The following GPR176 variants were observed in gnomAD, a reference collection of about 807,000 sequenced individuals.
GPR176 encodes the protein G-protein coupled receptor 176.
In GPR176, 26 loss-of-function variants were observed where a neutral mutation model predicts 35.4. The observed-to-expected ratio is 0.74, with a 90% confidence interval of 0.54 to 1.02. The LOEUF is 1.02. GPR176 is among the 50% of genes least tolerant of loss of function. The probability of loss-of-function intolerance (pLI) is 0.00; values close to 1 mark genes in which losing one functional copy is unlikely to be tolerated. For missense variants in GPR176, 597 were observed against 665.3 expected (o/e 0.90, Z 1.13); for synonymous variants, 278 against 271.3 (o/e 1.02, Z -0.24).
At chr15:39,861,919 A>T (rs2031609484) in intron 1 of GPR176, among the ~76,000 whole-genome samples, 1 of 152,216 alleles carries the variant, frequency 6.6e-6, no homozygotes, top group South Asian at 2.1e-4. Context: ...GCCTTTTAAC[A>T]AGATGACATA....
At chr15:39,850,382 G>A (rs2030772848) in intron 1 of GPR176, among the ~76,000 whole-genome samples, 1 of 152,164 alleles carries the variant, frequency 6.6e-6, no homozygotes, top group African/African-American at 2.4e-5. Context: ...GTGAAAGACT[G>A]AATGCTTTCT....
intron 1 of GPR176, among the ~76,000 whole-genome samples, chr15:39,842,863 C>T (rs1240760786): frequency 6.6e-6 from 1 of 152,098 alleles, no homozygotes; most frequent in Non-Finnish European, 1.5e-5. Context: ...TGAGGGAGAA[C>T]TTGCTCTGGA....
chr15:39,862,616 T>A (rs74008981), intron 1 of GPR176, among the ~76,000 whole-genome samples: 3,348 of 152,320 alleles, frequency 0.022, 123 homozygotes, highest in African/African-American at 0.072. Context: ...AAAATGTCTA[T>A]CACCTAGTGG....
At chr15:39,857,322 A>G (rs1382935909) in intron 1 of GPR176, among the ~76,000 whole-genome samples, 1 of 152,164 alleles carries the variant, frequency 6.6e-6, no homozygotes, top group Non-Finnish European at 1.5e-5. Flanking sequence ...CACAAATGAC[A>G]CAATAAAAAA....
chr15:39,883,798 A>C (rs1305724612), intron 1 of GPR176, among the ~76,000 whole-genome samples: 1 of 152,184 alleles, frequency 6.6e-6, no homozygotes, highest in African/African-American at 2.4e-5. Flanking sequence ...TGGGATCAGC[A>C]ATCTATTGTT....
intron 1 of GPR176, among the ~76,000 whole-genome samples, chr15:39,865,296 A>G (rs1566955959): frequency 6.6e-6 from 1 of 152,196 alleles, no homozygotes; most frequent in Non-Finnish European, 1.5e-5. Context: ...TATGGAATCA[A>G]CCTAAGTATC....
chr15:39,819,556 C>T (rs560335208), intron 1 of GPR176, among the ~76,000 whole-genome samples: 1 of 152,316 alleles, frequency 6.6e-6, no homozygotes, highest in South Asian at 2.1e-4. Context: ...CTGATGAGAA[C>T]TACCTTCAAC....
At chr15:39,870,586 G>A (rs912515038) in intron 1 of GPR176, among the ~76,000 whole-genome samples, 2 of 152,134 alleles carry the variant, frequency 1.3e-5, no homozygotes, top group African/African-American at 2.4e-5. Context: ...GAGAATTGGT[G>A]TGGGAGGCAT....
intron 1 of GPR176, among the ~76,000 whole-genome samples, chr15:39,909,536 G>T (rs1044478348): frequency 6.6e-6 from 1 of 152,142 alleles, no homozygotes; most frequent in Non-Finnish European, 1.5e-5. Context: ...TTATGCAAGT[G>T]GGTGCACATT....
At chr15:39,918,447 A>C (rs1389622540) in intron 1 of GPR176, among the ~76,000 whole-genome samples, 2 of 152,170 alleles carry the variant, frequency 1.3e-5, no homozygotes, top group African/African-American at 4.8e-5. Context: ...GTATGTATGA[A>C]TGTATGTATA....
Position 39,801,717 on chromosome 15 carries a change from A to G in GPR176, c.963T>C (p.Leu321=), listed in dbSNP as rs1454486393. The G allele has an allele frequency of 1.2e-6, 2 of 1,613,108 alleles. No individual in the cohort carries two copies. Among genetic ancestry groups the G allele is most frequent in the African/African-American group, 2.7e-5 (2 of 74,874 alleles). ...VSLLANPVLF[L]TVNKSVRKCL... ...ACTTGCGGACAGATTTGTTCACAGT[A>G]AGAAAGAGAACAGGGTTTGCCAGCA... The change falls in exon 3 of 3, where the codon CTT becomes CTC. Residue 321 remains leucine (L), a synonymous_variant. Transcript: ENST00000561100.
intron 1 of GPR176, among the ~76,000 whole-genome samples, chr15:39,849,889 A>G (rs2030731168): frequency 6.6e-6 from 1 of 152,134 alleles, no homozygotes; most frequent in Admixed American, 6.6e-5. Context: ...ACAAACCTAG[A>G]TGGCACAGTC....
At chr15:39,860,676 G>A (rs2031530979) in intron 1 of GPR176, 1 of 152,194 alleles carries the variant, frequency 6.6e-6, no homozygotes, top group Non-Finnish European at 1.5e-5. Context: ...ACCCTAGTAT[G>A]GATAGGAGAA....
chr15:39,808,363 T>C (rs1322075693), intron 1 of GPR176, among the ~76,000 whole-genome samples: 1 of 152,228 alleles, frequency 6.6e-6, no homozygotes, highest in Non-Finnish European at 1.5e-5. Context: ...CTCTAGTCTT[T>C]GTGCCATTCC....
At chr15:39,833,734 G>C (rs1423639776) in intron 1 of GPR176, among the ~76,000 whole-genome samples, 1 of 152,152 alleles carries the variant, frequency 6.6e-6, no homozygotes, top group South Asian at 2.1e-4. Context: ...CAAAACTGAG[G>C]AAAGTCCTAA....
In GPR176 at chr15:39,885,019, C is replaced by T. The variant is rs7166226; in HGVS notation, c.172+34836G>A. 3.6e-3 allele frequency among the ~76,000 whole-genome samples: 544 copies of T among 152,340 alleles called. 3 individuals carry two copies. The highest frequency in any genetic ancestry group is 0.012 in the African/African-American group (506 of 41,576). Reference sequence around the variant, plus strand: ...AGTTCTACAAGTCAAAAACCATCAACTTAAACCTCAAACTGTCTACTAACT... The same window carrying T: ...AGTTCTACAAGTCAAAAACCATCAATTTAAACCTCAAACTGTCTACTAACT... On this transcript the variant is annotated intron_variant, in intron 1 of 2. Coordinates refer to ENST00000561100, the MANE Select transcript of GPR176 (RefSeq NM_007223.3).
intron 1 of GPR176, among the ~76,000 whole-genome samples, chr15:39,893,330 A>G (rs1415185383): frequency 2.0e-5 from 3 of 152,076 alleles, no homozygotes; most frequent in East Asian, 3.8e-4. Context: ...GCCTTCAAGC[A>G]TCTGTTTAAC....
At chr15:39,836,202 A>C (rs556437407) in intron 1 of GPR176, among the ~76,000 whole-genome samples, 5 of 152,306 alleles carry the variant, frequency 3.3e-5, no homozygotes, top group Non-Finnish European at 5.9e-5. Flanking sequence ...CACTGTCATC[A>C]ACACTGATAT....
Position 39,801,411 on chromosome 15 carries a change from T to C in GPR176, c.1269A>G (p.Pro423=). ...ATACAGAGTCCACTGTGCTCAGGGG[T>C]GGGGCAGAGGGCGCAAACTGTGGCC... ...EQGPQFAPSA[P]PLSTVDSVSQ... is the part of the protein sequence containing the mutation. The change falls in exon 3 of 3, where the codon CCA becomes CCG. Residue 423 remains proline, a synonymous_variant. Transcript: ENST00000561100. 1 of 1,614,068 alleles carries C rather than the reference T, an allele frequency of 6.2e-7. No homozygotes were observed. The highest frequency in any genetic ancestry group is 8.5e-7 in the Non-Finnish European group (1 of 1,179,994).
Sources: allele counts gnomAD v4.1 joint callset (sites outside exome capture counted in the v4.1 genomes callset), GRCh38; gene constraint gnomAD v4.1.1; transcripts MANE v1.5; gene names NCBI Gene and HGNC (gene_info 2026-07-23, HGNC 2026-07-21).